The following CFAP61 variants were observed in gnomAD, a reference collection of about 807,000 sequenced individuals.
The protein encoded by CFAP61 is cilia and flagella associated protein 61.
Under a neutral mutation model 135.6 loss-of-function variants are expected in CFAP61, and 107 were observed. The ratio of observed to expected loss-of-function variants is 0.79; its 90% CI spans 0.67 to 0.93. The LOEUF (loss-of-function observed/expected upper bound fraction) is 0.93. CFAP61 is among the 40% of genes least tolerant of loss of function. The probability of loss-of-function intolerance (pLI) is 0.00; values close to 1 mark genes in which losing one functional copy is unlikely to be tolerated. For synonymous variants in CFAP61, 575 were observed against 578.5 expected (o/e 0.99, Z 0.09); for missense variants, 1,507 against 1,556.2 (o/e 0.97, Z 0.53).
At chr20:20,119,739 C>T (rs1464070819) in intron 8 of CFAP61, among the ~76,000 whole-genome samples, 4 of 152,090 alleles carry the variant, frequency 2.6e-5, no homozygotes, top group African/African-American at 9.7e-5. Flanking sequence ...TTTCATCACC[C>T]AGGTATTAAG....
At chr20:20,254,759 A>G (rs1311247736) in intron 20 of CFAP61, among the ~76,000 whole-genome samples, 1 of 152,096 alleles carries the variant, frequency 6.6e-6, no homozygotes, top group African/African-American at 2.4e-5. Flanking sequence ...CAAGAAGACA[A>G]CCCTCTATAA....
intron 26 of CFAP61, among the ~76,000 whole-genome samples, chr20:20,350,660 T>C (rs1455018302): frequency 1.3e-5 from 2 of 152,052 alleles, no homozygotes; most frequent in Non-Finnish European, 2.9e-5. Context: ...AAACAAAGAA[T>C]TGAATGAGGT....
At chr20:20,162,345 A>G (rs2053474963) in intron 10 of CFAP61, among the ~76,000 whole-genome samples, 1 of 152,178 alleles carries the variant, frequency 6.6e-6, no homozygotes, top group South Asian at 2.1e-4. Context: ...TAGTACCTGT[A>G]ACATCTTTGG....
chr20:20,056,353 A>G (rs565900719), intron 1 of CFAP61, among the ~76,000 whole-genome samples: 4 of 152,176 alleles, frequency 2.6e-5, no homozygotes, highest in South Asian at 4.1e-4. Context: ...TTCCAATTCT[A>G]TTGTTAGAAT....
chr20:20,066,969 C>A (rs954742538), intron 2 of CFAP61, among the ~76,000 whole-genome samples: 7 of 151,480 alleles, frequency 4.6e-5, no homozygotes, highest in Admixed American at 6.6e-5. Context: ...GTGGAGGGGG[C>A]GGATGTGATA....
intron 8 of CFAP61, among the ~76,000 whole-genome samples, chr20:20,113,580 C>A (rs1324957701): frequency 6.6e-6 from 1 of 152,196 alleles, no homozygotes; most frequent in Non-Finnish European, 1.5e-5. Flanking sequence ...GGATCTTAGA[C>A]AACTTTACTC....
intron 6 of CFAP61, among the ~76,000 whole-genome samples, chr20:20,089,739 TG>T (rs911145425): frequency 6.6e-6 from 1 of 152,122 alleles, no homozygotes; most frequent in African/African-American, 2.4e-5. Context: ...GCAATAAATC[TG>T]GTTTTTGTTC....
At chr20:20,224,113 C>T (rs974221394) in intron 17 of CFAP61, among the ~76,000 whole-genome samples, 1 of 152,226 alleles carries the variant, frequency 6.6e-6, no homozygotes, top group South Asian at 2.1e-4. Context: ...TAGTTCCTGA[C>T]CTCTAGGAGT....
At chr20:20,069,972 G>T (rs2045590177) in intron 2 of CFAP61, 1 of 271,922 alleles carries the variant, frequency 3.7e-6, no homozygotes, top group South Asian at 3.8e-5. Context: ...GATGCCAGTA[G>T]ATTTCATTTC....
intron 6 of CFAP61, among the ~76,000 whole-genome samples, chr20:20,089,265 A>G (rs1020420175): frequency 2.6e-5 from 4 of 152,164 alleles, no homozygotes. Context: ...CAGGCAAAGC[A>G]TTTCCTCATC....
chr20:20,121,882 G>T (rs548394382), intron 8 of CFAP61, among the ~76,000 whole-genome samples: 1 of 150,070 alleles, frequency 6.7e-6, no homozygotes, highest in East Asian at 1.9e-4. Context: ...TCTTACTGTT[G>T]TCCTTTATGG....
intron 13 of CFAP61, among the ~76,000 whole-genome samples, chr20:20,171,182 C>A (rs184150676): frequency 8.3e-4 from 126 of 152,258 alleles, no homozygotes; most frequent in Middle Eastern, 6.8e-3. Context: ...GTGAAGTGTT[C>A]ACAGGTAGCA....
At chr20:20,279,413 A>G (rs935553843) in intron 22 of CFAP61, among the ~76,000 whole-genome samples, 8 of 152,336 alleles carry the variant, frequency 5.3e-5, no homozygotes, top group African/African-American at 1.2e-4. Flanking sequence ...TGTATACTCT[A>G]TCCTCACCAT....
At chr20:20,313,340 T>C (rs1177513795) in intron 25 of CFAP61, among the ~76,000 whole-genome samples, 1 of 152,222 alleles carries the variant, frequency 6.6e-6, no homozygotes, top group African/African-American at 2.4e-5. Context: ...ATTTCTGTTG[T>C]TTAAGCCACC....
At chr20:20,213,501 T>TTGG in intron 17 of CFAP61, among the ~76,000 whole-genome samples, 1 of 151,888 alleles carries the variant, frequency 6.6e-6, no homozygotes. Flanking sequence ...TCCATGGCAG[T>TTGG]TGGCCTCCCA....
At chr20:20,096,571 T>C (rs560914979) in intron 7 of CFAP61, among the ~76,000 whole-genome samples, 24 of 152,390 alleles carry the variant, frequency 1.6e-4, no homozygotes, top group African/African-American at 5.0e-4. Flanking sequence ...AAAAGGTATT[T>C]CAGGCCATCG....
chr20:20,316,494 A>G (rs1481726213), intron 25 of CFAP61, among the ~76,000 whole-genome samples: 1 of 151,450 alleles, frequency 6.6e-6, no homozygotes, highest in Non-Finnish European at 1.5e-5. Context: ...AACAGGGACA[A>G]TTTGACTTCC....
chr20:20,243,818 G>A lies in CFAP61; in HGVS notation c.2061-2299G>A, dbSNP rs556360595. 9.2e-5 allele frequency among the ~76,000 whole-genome samples: 14 copies of A among 152,262 alleles called. No homozygotes were observed. The Middle Eastern group carries it at 0.01, about 111-fold the overall frequency. On this transcript the variant is annotated intron_variant, in intron 18 of 26. Transcript: ENST00000245957. ...ATCTGAGACAGGGCAAGTCCCTTCT[G>A]CCTATGACCATGTAAAATCAAAAGC...
chr20:20,272,435 AAATT>A (rs2053430040), intron 21 of CFAP61, among the ~76,000 whole-genome samples: 1 of 133,726 alleles, frequency 7.5e-6, no homozygotes, highest in South Asian at 2.3e-4. Flanking sequence ...TGAAATAAAT[AAATT>A]AATTAATTAT....
Sources: gnomAD v4.1 joint callset for allele counts (sites outside exome capture counted in the v4.1 genomes callset) on GRCh38, gnomAD v4.1.1 for gene constraint, MANE v1.5 for transcripts, NCBI Gene and HGNC (gene_info 2026-07-23, HGNC 2026-07-21) for gene names.